Variants in DCAF6 observed in about 807,000 individuals in gnomAD.
The protein encoded by DCAF6 is DDB1 and CUL4 associated factor 6.
DCAF6 carries 54 observed loss-of-function variants against 125.1 expected under a neutral mutation model. The observed-to-expected ratio is 0.43, with a 90% CI of 0.35 to 0.54. The LOEUF (loss-of-function observed/expected upper bound fraction) is 0.54. Among genes scored for constraint, DCAF6 ranks in the 20% least tolerant of loss-of-function variants. DCAF6 has a pLI of 0.01. For synonymous variants in DCAF6, 371 were observed against 390.4 expected, an observed-to-expected ratio of 0.95 and a Z score of 0.58; for missense variants, 934 against 1,161.7, an observed-to-expected ratio of 0.80 and a Z score of 2.85.
intron 2 of DCAF6, among the ~76,000 whole-genome samples, chr1:167,952,291 C>T (rs1417838934): frequency 2.0e-5 from 3 of 152,144 alleles, no homozygotes; most frequent in Non-Finnish European, 2.9e-5. Context: ...AGCTCAGCCT[C>T]CCTGCAAGCT....
chr1:167,959,691 T>TTA (rs1248862425), intron 2 of DCAF6, among the ~76,000 whole-genome samples: 2 of 152,366 alleles, frequency 1.3e-5, no homozygotes, highest in South Asian at 4.1e-4. Flanking sequence ...GAGGTGCCTG[T>TTA]TATGGCCTTT....
At chr1:168,012,099 A>G (rs1201037706) in intron 10 of DCAF6, among the ~76,000 whole-genome samples, 1 of 152,232 alleles carries the variant, frequency 6.6e-6, no homozygotes. Context: ...CCCAGGAGAA[A>G]AAATGCACAA....
chr1:167,953,205 C>T (rs770424625), intron 2 of DCAF6, among the ~76,000 whole-genome samples: 4 of 152,090 alleles, frequency 2.6e-5, no homozygotes, highest in Non-Finnish European at 5.9e-5. Context: ...GACACCTCTG[C>T]CTTGTATATT....
chr1:167,925,442 C>CGTGT, the DCAF6 span, among the ~76,000 whole-genome samples: 723 of 82,084 alleles, frequency 8.8e-3, 12 homozygotes, highest in African/African-American at 0.036. Context: ...TACATATACA[C>CGTGT]ATATATATAT....
Position 168,075,544 on chromosome 1 carries a change from G to GT in DCAF6, c.*114dup. 1 of 994,758 alleles carries GT rather than the reference G, an allele frequency of 1.0e-6. No individual in the cohort carries two copies. 61.6% of individuals were successfully genotyped at this position (994,758 alleles called of 1,614,324 possible). A position where few individuals can be genotyped will look rare whatever the true frequency, so the allele number is the denominator to read the frequency against. On this transcript the variant is annotated 3_prime_UTR_variant, in exon 22 of 22. Coordinates refer to ENST00000367840, the MANE Select transcript of DCAF6 (RefSeq NM_001198956.2). ...CAATTTTAAGGTTATGGTTTTTGGA[G>GT]TTTTTCCCTTTTTTTGGGATAACCT...
chr1:167,902,204 C>T, the DCAF6 span: 3 of 816,728 alleles, frequency 3.7e-6, no homozygotes, highest in South Asian at 4.7e-5. Flanking sequence ...AGACAAGCCA[C>T]TTAACCCATT....
the DCAF6 span, among the ~76,000 whole-genome samples, chr1:167,894,619 A>ATGTGTGTG: frequency 6.6e-6 from 1 of 151,234 alleles, no homozygotes; most frequent in Non-Finnish European, 1.5e-5. Context: ...GTGAAAAAAA[A>ATGTGTGTG]TGTGTGTGTG....
At chr1:167,934,515 T>C (rs573344164), upstream of DCAF6, among the ~76,000 whole-genome samples, 1 of 152,338 alleles carries the variant, frequency 6.6e-6, no homozygotes, top group Admixed American at 6.5e-5. Flanking sequence ...CTGTCCTTAA[T>C]GATCAGTTTT....
At chr1:167,871,759 T>C in the DCAF6 span, among the ~76,000 whole-genome samples, 1 of 152,240 alleles carries the variant, frequency 6.6e-6, no homozygotes. Context: ...CTTGGTAATA[T>C]ACATTTCTGA....
intron 8 of DCAF6, 111 bp from the exon 9 acceptor site, chr1:168,003,759 T>C (rs1682956766): frequency 2.1e-6 from 2 of 959,596 alleles, no homozygotes; most frequent in Non-Finnish European, 3.0e-6. Flanking sequence ...TTAGGAAATT[T>C]GATTTTTAAA....
chr1:167,918,906 T>C, the DCAF6 span, among the ~76,000 whole-genome samples: 1 of 152,154 alleles, frequency 6.6e-6, no homozygotes, highest in Non-Finnish European at 1.5e-5. Flanking sequence ...CAAAAACTTT[T>C]AACAGCTTAG....
the DCAF6 span, chr1:167,903,829 T>C: frequency 7.8e-7 from 1 of 1,286,504 alleles, no homozygotes; most frequent in Non-Finnish European, 1.1e-6. Context: ...AATTGACAAC[T>C]ACGGAAAAAA....
chr1:168,033,921 A>C (rs1687470226), intron 12 of DCAF6, among the ~76,000 whole-genome samples: 2 of 152,224 alleles, frequency 1.3e-5, no homozygotes, highest in Admixed American at 1.3e-4. Flanking sequence ...TGTGCTGAGC[A>C]CACTACAAAT....
the DCAF6 span, among the ~76,000 whole-genome samples, chr1:167,929,343 G>T: frequency 6.6e-6 from 1 of 151,558 alleles, no homozygotes; most frequent in Non-Finnish European, 1.5e-5. Context: ...TGGGCAATAA[G>T]AGCGAAACTC....
At chr1:167,891,589 G>A in the DCAF6 span, among the ~76,000 whole-genome samples, 2,324 of 150,704 alleles carry the variant, frequency 0.015, 26 homozygotes, top group Middle Eastern at 0.048. Context: ...CCGGGAGGCG[G>A]AGCTTGCAGT....
At chr1:167,954,140 G>A (rs1674397918) in intron 2 of DCAF6, among the ~76,000 whole-genome samples, 1 of 152,056 alleles carries the variant, frequency 6.6e-6, no homozygotes, top group Non-Finnish European at 1.5e-5. Flanking sequence ...CTGAGAAGCT[G>A]AGATTACAGT....
chr1:168,025,092 A>AT (rs967776449), intron 12 of DCAF6, among the ~76,000 whole-genome samples: 6 of 151,980 alleles, frequency 3.9e-5, no homozygotes, highest in Admixed American at 6.6e-5. Context: ...TAATTAAAGG[A>AT]TTTTTTTTCT....
At chr1:167,865,142 G>C in the DCAF6 span, among the ~76,000 whole-genome samples, 1 of 152,274 alleles carries the variant, frequency 6.6e-6, no homozygotes, top group Non-Finnish European at 1.5e-5. Context: ...TGAAGAAACA[G>C]TTTATGTGCA....
intron 18 of DCAF6, chr1:168,064,031 C>CCCCTCT (rs1691980965): frequency 6.6e-6 from 1 of 151,820 alleles, no homozygotes; most frequent in Admixed American, 7.9e-5. Context: ...TTTTTTTTTT[C>CCCCTCT]CCCCTCTCTT....
Sources: gnomAD v4.1 joint callset for allele counts (sites outside exome capture counted in the v4.1 genomes callset) on GRCh38, gnomAD v4.1.1 for gene constraint, MANE v1.5 for transcripts, NCBI Gene and HGNC (gene_info 2026-07-23, HGNC 2026-07-21) for gene names.